The following LDB3 variants were observed in gnomAD, a reference collection of about 807,000 sequenced individuals.
LDB3 encodes LIM domain binding 3, also known as LIM domain-binding protein 3.
In LDB3, 49 loss-of-function variants were observed where a neutral mutation model predicts 69.0. The ratio of observed to expected loss-of-function variants is 0.71; its 90% CI spans 0.56 to 0.90. The LOEUF is 0.90. Ranked by LOEUF, LDB3 falls within the 40% of genes least tolerant of loss-of-function variation. LDB3 has a pLI of 0.00. For missense variants in LDB3, 928 were observed against 974.1 expected, an observed-to-expected ratio of 0.95 and a Z score of 0.63; for synonymous variants, 387 against 396.2, an observed-to-expected ratio of 0.98 and a Z score of 0.28.
intron 11 of LDB3, 72 bp from the exon 12 acceptor site, chr10:86,718,655 C>T (rs1286670519): frequency 1.2e-6 from 2 of 1,607,164 alleles, no homozygotes; most frequent in African/African-American, 1.3e-5. Context: ...CGGGCAGTGG[C>T]TGGAGCCTGG....
chr10:86,700,512 A>G (rs527340832), intron 7 of LDB3, among the ~76,000 whole-genome samples: 1 of 152,154 alleles, frequency 6.6e-6, no homozygotes, highest in African/African-American at 2.4e-5. Flanking sequence ...GCAGTTCACA[A>G]GGGAACTCAG....
chr10:86,718,494 A>G (rs1846958002), intron 11 of LDB3, among the ~76,000 whole-genome samples: 1 of 152,160 alleles, frequency 6.6e-6, no homozygotes, highest in South Asian at 2.1e-4. Flanking sequence ...GTTTAATGGG[A>G]GGATTAAGCC....
intron 2 of LDB3, among the ~76,000 whole-genome samples, chr10:86,676,419 C>T (rs889710096): frequency 2.6e-5 from 4 of 151,950 alleles, no homozygotes; most frequent in African/African-American, 9.7e-5. Context: ...AAAAATTAGC[C>T]GGGCATGGTG....
rs1481666798 is a variant in LDB3, at chr10:86,713,136, GGT to G, written c.1231+3093_1231+3094del. On this transcript the variant is annotated intron_variant, in intron 9 of 13. Transcript: ENST00000361373. ...AATTATTAATGTGCCTTCAAAATCT[GGT>G]GTGTGTTTTACACTAACGGCACTTC... 2.6e-5 allele frequency among the ~76,000 whole-genome samples: 4 copies of G among 151,988 alleles called. No individual in the cohort carries two copies. In the East Asian group the frequency reaches 7.7e-4, roughly 29 times the overall value.
At chr10:86,675,396 C>T (rs920304735) in intron 2 of LDB3, among the ~76,000 whole-genome samples, 19 of 152,222 alleles carry the variant, frequency 1.2e-4, no homozygotes, top group African/African-American at 4.6e-4. Flanking sequence ...ATTCTGTTGC[C>T]CTTGCTCATG....
At chr10:86,670,764 C>T (rs906121901) in intron 2 of LDB3, among the ~76,000 whole-genome samples, 3 of 152,232 alleles carry the variant, frequency 2.0e-5, no homozygotes, top group African/African-American at 7.2e-5. Context: ...ATGATATGGC[C>T]TCTCGGCTTC....
chr10:86,701,629 C>G (rs1400854687), intron 7 of LDB3, among the ~76,000 whole-genome samples: 1 of 152,144 alleles, frequency 6.6e-6, no homozygotes, highest in African/African-American at 2.4e-5. Flanking sequence ...CATGTATGGT[C>G]CAGAGACAGG....
At chr10:86,674,094 G>A (rs1462621884) in intron 2 of LDB3, among the ~76,000 whole-genome samples, 2 of 152,144 alleles carry the variant, frequency 1.3e-5, no homozygotes, top group East Asian at 3.9e-4. Flanking sequence ...GCCAGCTGTG[G>A]ATCTTGTTTC....
Position 86,676,802 on chromosome 10 carries a change from G to A in LDB3, c.94-2565G>A, listed in dbSNP as rs151109832. ...TGGACACTGGTGACTGGTGACTGCAGGGCATCCTGGTTTGGAAGGGGCTTC... is the reference window on the plus strand; with the variant it reads ...TGGACACTGGTGACTGGTGACTGCAAGGCATCCTGGTTTGGAAGGGGCTTC... On this transcript the variant is annotated intron_variant, in intron 2 of 13. Transcript: ENST00000361373. 5.5e-4 allele frequency among the ~76,000 whole-genome samples: 84 copies of A among 152,336 alleles called. No homozygotes were observed. In the Middle Eastern group the frequency reaches 0.01, roughly 19 times the overall value.
At chr10:86,706,017 CCT>C (rs760465418) in intron 7 of LDB3, among the ~76,000 whole-genome samples, 40 of 152,152 alleles carry the variant, frequency 2.6e-4, no homozygotes, top group Non-Finnish European at 4.9e-4. Flanking sequence ...TTGTTGGTGC[CCT>C]GAGTCCTTCC....
At chr10:86,681,311 C>T (rs1378925254) in intron 4 of LDB3, 125 bp from the exon 5 acceptor site, 1 of 1,426,316 alleles carries the variant, frequency 7.0e-7, no homozygotes, top group African/African-American at 1.4e-5. Flanking sequence ...CGCCCAGGCG[C>T]TCTGGGCTTC....
In LDB3 at chr10:86,668,745, G is replaced by C; in HGVS notation, c.54G>C (p.Gln18His). ...TGPGPWGFRLQGGKDFNMPLT... is the reference protein window; with the variant it reads ...TGPGPWGFRLHGGKDFNMPLT... ...CCGGGCCCTGGGGCTTCCGTCTGCAGGGGGGCAAGGACTTCAACATGCCCC... is the reference window on the plus strand; with the variant it reads ...CCGGGCCCTGGGGCTTCCGTCTGCACGGGGGCAAGGACTTCAACATGCCCC... Residue 18 changes from glutamine to histidine, a missense_variant, in exon 2 of 14, where the codon CAG (glutamine) becomes CAC (histidine). Gln to His is a conservative substitution (Grantham distance 24). Coordinates refer to ENST00000361373, the MANE Select transcript of LDB3 (RefSeq NM_007078.3). 6.2e-7 allele frequency: 1 copy of C among 1,613,280 alleles called. No individual in the cohort carries two copies. Among genetic ancestry groups the C allele is most frequent in the Non-Finnish European group, 8.5e-7 (1 of 1,179,960 alleles).
chr10:86,726,943 G>A (rs976514019), intron 13 of LDB3, among the ~76,000 whole-genome samples: 2 of 152,146 alleles, frequency 1.3e-5, no homozygotes, highest in African/African-American at 4.8e-5. Context: ...AGACTCTGAA[G>A]GAGAGGTAGG....
Position 86,668,684 on chromosome 10 carries a change from G to A in LDB3, c.-8G>A. On this transcript the variant is annotated 5_prime_UTR_variant, in exon 2 of 14. Coordinates refer to ENST00000361373, the MANE Select transcript of LDB3 (RefSeq NM_007078.3). ...TTGTCTGCAGAGGCGGCCGCTGACA[G>A]CACCAGCATGTCTTACAGTGTGACC... is the stretch of plus-strand genomic sequence containing the variant. 6.2e-7 allele frequency: 1 copy of A among 1,611,980 alleles called. No individual in the cohort carries two copies.
chr10:86,702,384 A>AAT (rs1846293377), intron 7 of LDB3, among the ~76,000 whole-genome samples: 1 of 152,080 alleles, frequency 6.6e-6, no homozygotes, highest in East Asian at 1.9e-4. Context: ...AGCATCAACC[A>AAT]AACCCCACCA....
intron 5 of LDB3, among the ~76,000 whole-genome samples, chr10:86,690,941 G>A (rs1845728682): frequency 6.6e-6 from 1 of 152,190 alleles, no homozygotes; most frequent in African/African-American, 2.4e-5. Flanking sequence ...TACGAGGAGA[G>A]GGCTGGGCCA....
intron 13 of LDB3, among the ~76,000 whole-genome samples, chr10:86,731,405 A>G (rs745661008): frequency 1.3e-5 from 2 of 151,526 alleles, no homozygotes; most frequent in Non-Finnish European, 2.9e-5. Flanking sequence ...TTGTATTTTT[A>G]GTAGAGACAA....
At position 86,696,811 on chromosome 10, in the gene LDB3, G is replaced by A. The variant is rs536637059; in HGVS notation, c.896+4240G>A. Among the ~76,000 whole-genome samples, 23 of 152,314 alleles carry A rather than the reference G, an allele frequency of 1.5e-4. 1 individual carries two copies. The South Asian group carries it at 4.8e-3, about 32-fold the overall frequency. ...CCTTTACCCCAACCTCAGATAGGCA[G>A]GTATGTGGCAAGGGAAGAAGACGCT... On this transcript the variant is annotated intron_variant, in intron 7 of 13. Coordinates refer to ENST00000361373, the MANE Select transcript of LDB3 (RefSeq NM_007078.3).
intron 2 of LDB3, among the ~76,000 whole-genome samples, chr10:86,670,687 G>A (rs1844422789): frequency 6.6e-6 from 1 of 152,210 alleles, no homozygotes; most frequent in Non-Finnish European, 1.5e-5. Context: ...GGATGTGCTG[G>A]ATCCAATGAC....
Sources: allele counts gnomAD v4.1 joint callset (sites outside exome capture counted in the v4.1 genomes callset), GRCh38; gene constraint gnomAD v4.1.1; transcripts MANE v1.5; gene names NCBI Gene and HGNC (gene_info 2026-07-23, HGNC 2026-07-21).